The following SLX4 variants were observed in gnomAD, a reference collection of about 807,000 sequenced individuals.
The protein encoded by SLX4 is SLX4 structure-specific endonuclease subunit.
SLX4 carries 112 observed loss-of-function variants against 146.2 expected under a neutral mutation model. The ratio of observed to expected loss-of-function variants is 0.77; its 90% CI spans 0.66 to 0.90. The LOEUF (loss-of-function observed/expected upper bound fraction) is 0.90. SLX4 is among the 40% of genes least tolerant of loss of function. The pLI is 0.00. For missense variants in SLX4, 2,563 were observed against 2,392.7 expected, an observed-to-expected ratio of 1.07 and a Z score of -1.49; for synonymous variants, 1,061 against 997.7, an observed-to-expected ratio of 1.06 and a Z score of -1.20.
chr16:3,585,789 C>T (rs1174267332), intron 12 of SLX4, among the ~76,000 whole-genome samples: 2 of 148,174 alleles, frequency 1.3e-5, no homozygotes, highest in Non-Finnish European at 3.0e-5. Context: ...AATGGCAGAA[C>T]CCTATCTCTA....
rs2151131924 is a variant in SLX4 at position 3,597,893 on chromosome 16, C to T, written c.1270G>A (p.Ala424Thr). The stretch of plus-strand genomic sequence containing the variant: ...ATCTCCGACCGGGACAGAGCCATGG[C>T]CACCAGCAGGTCCTCGGACGGTGCC... ...DEAPSEDLLV[A>T]MALSRSEMEP... Residue 424 changes from alanine (A) to threonine (T), a missense_variant, in exon 6 of 15, where the codon GCC (alanine) becomes ACC (threonine). Physicochemically the swap from Ala to Thr is moderately conservative, Grantham distance 58. Coordinates refer to ENST00000294008, the MANE Select transcript of SLX4 (RefSeq NM_032444.4). The surrounding 1 kb of genome is among the most constrained non-coding windows in gnomAD (Gnocchi z 4.4). 1 of 1,614,160 alleles carries T rather than the reference C, an allele frequency of 6.2e-7. No individual in the cohort carries two copies. Among genetic ancestry groups the T allele is most frequent in the Non-Finnish European group, 8.5e-7 (1 of 1,180,040 alleles).
Position 3,608,591 on chromosome 16 carries a change from A to G in SLX4, c.374T>C (p.Val125Ala), listed in dbSNP as rs749162651. 2.0e-5 allele frequency: 33 copies of G among 1,613,870 alleles called. No homozygotes were observed. Among genetic ancestry groups the G allele is most frequent in the Non-Finnish European group, 2.5e-5 (29 of 1,179,986 alleles). Residue 125 changes from valine (V) to alanine (A), a missense_variant, in exon 2 of 15, where the codon GTA (valine) becomes GCA (alanine). By Grantham distance (64) the Val-to-Ala change is moderately conservative. Transcript: ENST00000294008. Reference protein sequence around the residue: ...SQAPRTKKQRVTKWQASEPAH... With the variant: ...SQAPRTKKQRATKWQASEPAH... ...CGGTTCACTTGCTTGCCATTTGGTT[A>G]CCCTTTGCTTTTTAGTCCTAGGGGC...
intron 12 of SLX4, among the ~76,000 whole-genome samples, chr16:3,585,861 T>C (rs1206274679): frequency 6.7e-6 from 1 of 148,608 alleles, no homozygotes; most frequent in Admixed American, 6.7e-5. Context: ...AAGTCACCAA[T>C]GTGGGCAGCT....
Position 3,609,133 on chromosome 16 carries a change from G to A in SLX4, c.-169C>T, listed in dbSNP as rs978117162. 28 of 765,388 alleles carry A rather than the reference G, an allele frequency of 3.7e-5. No homozygotes were observed. Among genetic ancestry groups the A allele is most frequent in the Non-Finnish European group, 5.4e-5 (26 of 479,416 alleles). The allele number at this position is 765,388 out of a possible 1,614,324, so 47.4% of individuals were successfully genotyped here. On this transcript the variant is annotated 5_prime_UTR_variant, in exon 2 of 15. Transcript: ENST00000294008. ...AAAGTCCACAACTGGGCCGGGCGCG[G>A]TGGCTCACACTTGTAATCCCAGCTC...
chr16:3,600,591 CTTTTTTTTTTTTTTTTT>C (rs974875930), intron 5 of SLX4: 9 of 102,614 alleles, frequency 8.8e-5, no homozygotes, highest in South Asian at 5.1e-4. Flanking sequence ...CTATAAAAAG[CTTTTTTTTTTTTTTTTT>C]TTTTTTTTTT....
At position 3,609,064 on chromosome 16, in the gene SLX4, C is replaced by G. The variant is rs889858186; in HGVS notation, c.-100G>C. The G allele has an allele frequency of 7.1e-7, 1 of 1,404,950 alleles. No homozygotes were observed. The highest frequency in any genetic ancestry group is 2.0e-5 in the Admixed American group (1 of 51,036). 87.0% of individuals were successfully genotyped at this position (1,404,950 alleles called of 1,614,324 possible). A position where few individuals can be genotyped will look rare whatever the true frequency, so the allele number is the denominator to read the frequency against. On this transcript the variant is annotated 5_prime_UTR_variant, in exon 2 of 15. Transcript: ENST00000294008. Reference sequence around the variant, plus strand: ...CTATAATGATTGAAGTATCTTTGTTCAAATTGGGCCTGTGGTTAAACATGT... The same window carrying G: ...CTATAATGATTGAAGTATCTTTGTTGAAATTGGGCCTGTGGTTAAACATGT...
chr16:3,606,874 A>G (rs571203081), intron 2 of SLX4, among the ~76,000 whole-genome samples, 176 bp from the exon 3 acceptor site: 1 of 152,336 alleles, frequency 6.6e-6, no homozygotes, highest in East Asian at 1.9e-4. Flanking sequence ...TTATGGCAAT[A>G]TAGACATAAA....
At chr16:3,604,088 C>G (rs536475673) in intron 3 of SLX4, among the ~76,000 whole-genome samples, 1 of 151,448 alleles carries the variant, frequency 6.6e-6, no homozygotes, top group Non-Finnish European at 1.5e-5. Flanking sequence ...AAAAATTAGC[C>G]GGGTGTGGTG....
chr16:3,600,690 T>G (rs2040716725), intron 5 of SLX4: 1 of 352,496 alleles, frequency 2.8e-6, no homozygotes. Flanking sequence ...AACCTCTACC[T>G]TCTGGGTTCA....
intron 12 of SLX4, among the ~76,000 whole-genome samples, chr16:3,587,304 C>T (rs1404504773): frequency 6.6e-6 from 1 of 152,124 alleles, no homozygotes; most frequent in Non-Finnish European, 1.5e-5. Context: ...CAAGACCAGC[C>T]TGATCAACAT....
chr16:3,584,659 C>T (rs1247745862), intron 13 of SLX4, 110 bp downstream of exon 13: 2 of 867,204 alleles, frequency 2.3e-6, no homozygotes, highest in East Asian at 2.4e-5. Flanking sequence ...GCTGCATCCA[C>T]CAGACCCAGA....
chr16:3,602,411 C>A, intron 3 of SLX4, 104 bp from the exon 4 acceptor site: 1 of 1,376,796 alleles, frequency 7.3e-7, no homozygotes, highest in Non-Finnish European at 1.0e-6. Flanking sequence ...GCAGGTGGAA[C>A]GCAAAGAAAC....
In SLX4 at chr16:3,582,675, A is replaced by C. The variant is rs932503476; in HGVS notation, c.5172T>G (p.Phe1724Leu). The part of the protein sequence containing the change: ...LSSQSSSSCE[F>L]GAAFESAGEE... ...CACCTGCAGACTCAAATGCCGCTCC[A>C]AACTCACAGGAGGAAGAACTGAAAA... The change falls in exon 15 of 15, where the codon TTT becomes TTG. Residue 1724 changes from phenylalanine to leucine, a missense_variant. By Grantham distance (22) the Phe-to-Leu change is conservative (BLOSUM62 0). Coordinates refer to ENST00000294008, the MANE Select transcript of SLX4 (RefSeq NM_032444.4). 1 of 1,612,662 alleles carries C rather than the reference A, an allele frequency of 6.2e-7. No homozygotes were observed. Among genetic ancestry groups the C allele is most frequent in the Non-Finnish European group, 8.5e-7 (1 of 1,180,014 alleles).
intron 9 of SLX4, 21 bp downstream of exon 9, chr16:3,595,584 C>G (rs139099529): frequency 6.2e-7 from 1 of 1,612,794 alleles, no homozygotes; most frequent in African/African-American, 1.3e-5. Context: ...CCAGAGAGCG[C>G]GGGCCAGAGC....
rs2040734225 is a variant in SLX4 at position 3,602,152 on chromosome 16, T to C, written c.916A>G (p.Met306Val). 6.2e-7 allele frequency: 1 copy of C among 1,614,060 alleles called. No homozygotes were observed. The highest frequency in any genetic ancestry group is 1.7e-5 in the Admixed American group (1 of 60,004). ...CQICQKNLSAMNVTRREQHVN... is the reference protein window; with the variant it reads ...CQICQKNLSAVNVTRREQHVN... ...TGCTGTTCCCTTCGGGTCACGTTCATGGCTGAGAGGTTCTTTTGACAAATC... is the reference window on the plus strand; with the variant it reads ...TGCTGTTCCCTTCGGGTCACGTTCACGGCTGAGAGGTTCTTTTGACAAATC... The change falls in exon 4 of 15, where the codon ATG (methionine) becomes GTG (valine). Residue 306 changes from methionine (M) to valine (V), a missense_variant. Coordinates refer to ENST00000294008, the MANE Select transcript of SLX4 (RefSeq NM_032444.4).
At position 3,597,889 on chromosome 16, in the gene SLX4, A is replaced by G. The variant is rs761786371; in HGVS notation, c.1274T>C (p.Met425Thr). The G allele has an allele frequency of 4.0e-5, 64 of 1,614,002 alleles. No individual in the cohort carries two copies. Among genetic ancestry groups the G allele is most frequent in the Non-Finnish European group, 5.2e-5 (61 of 1,180,032 alleles). Reference sequence around the variant, plus strand: ...CTCCATCTCCGACCGGGACAGAGCCATGGCCACCAGCAGGTCCTCGGACGG... The same window carrying G: ...CTCCATCTCCGACCGGGACAGAGCCGTGGCCACCAGCAGGTCCTCGGACGG... ...EAPSEDLLVA[M>T]ALSRSEMEPG... Residue 425 changes from methionine (M) to threonine (T), a missense_variant, in exon 6 of 15, where the codon ATG (methionine) becomes ACG (threonine). Coordinates refer to ENST00000294008, the MANE Select transcript of SLX4 (RefSeq NM_032444.4). The surrounding 1 kb of genome is among the most constrained non-coding windows in gnomAD (Gnocchi z 4.4).
intron 10 of SLX4, among the ~76,000 whole-genome samples, chr16:3,593,110 G>A (rs2040611992): frequency 6.6e-6 from 1 of 151,946 alleles, no homozygotes. Context: ...TCTCTCTGTT[G>A]CCCAGGCTGG....
rs143694260 is a variant in SLX4 at position 3,590,774 on chromosome 16, T to G, written c.2864A>C (p.His955Pro). The G allele has an allele frequency of 1.9e-6, 3 of 1,614,054 alleles. No individual in the cohort carries two copies. Among genetic ancestry groups the G allele is most frequent in the Non-Finnish European group, 2.5e-6 (3 of 1,180,022 alleles). ...EQEAPEEALG[H>P]SSCSSPSRDC... ...CCTGGAAGGGCTGGAGCAGCTGGAATGGCCAAGCGCCTCCTCTGGCGCCTC... is the reference window on the plus strand; with the variant it reads ...CCTGGAAGGGCTGGAGCAGCTGGAAGGGCCAAGCGCCTCCTCTGGCGCCTC... Residue 955 changes from histidine to proline, a missense_variant, in exon 12 of 15, where the codon CAT becomes CCT. His to Pro is a moderately conservative substitution (Grantham distance 77). Coordinates refer to ENST00000294008, the MANE Select transcript of SLX4 (RefSeq NM_032444.4). This position sits in a 1 kb window ranked among gnomAD's most constrained non-coding sequence, Gnocchi z 4.8.
chr16:3,608,969 G>T lies in SLX4; in HGVS notation c.-5C>A. On this transcript the variant is annotated 5_prime_UTR_variant, in exon 2 of 15. Coordinates refer to ENST00000294008, the MANE Select transcript of SLX4 (RefSeq NM_032444.4). The stretch of plus-strand genomic sequence containing the variant: ...CTCATTCACACTCAGTTTCATTAGG[G>T]TTCTTCTCTACTTCTCCATTAGATA... The T allele has an allele frequency of 6.2e-7, 1 of 1,611,820 alleles. No individual in the cohort carries two copies. Among genetic ancestry groups the T allele is most frequent in the Non-Finnish European group, 8.5e-7 (1 of 1,179,916 alleles).
Sources: gnomAD v4.1 joint callset for allele counts (sites outside exome capture counted in the v4.1 genomes callset) on GRCh38, gnomAD v4.1.1 for gene constraint, Gnocchi (gnomAD v3.1) non-coding constraint, MANE v1.5 for transcripts, NCBI Gene and HGNC (gene_info 2026-07-23, HGNC 2026-07-21) for gene names.